The following ATP10D variants were observed in gnomAD, a reference collection of about 807,000 sequenced individuals.
The protein encoded by ATP10D is phospholipid-transporting ATPase VD.
ATP10D carries 89 observed loss-of-function variants against 144.8 expected under a neutral mutation model. That is an observed-to-expected ratio of 0.61 (90% CI 0.52 to 0.73). ATP10D has a LOEUF of 0.73. Ranked by LOEUF, ATP10D falls within the 30% of genes least tolerant of loss-of-function variation. ATP10D has a pLI of 0.00. For missense variants in ATP10D, 1,603 were observed against 1,714.8 expected, an observed-to-expected ratio of 0.93 and a Z score of 1.15; for synonymous variants, 571 against 615.1, an observed-to-expected ratio of 0.93 and a Z score of 1.06.
At chr4:47,561,995 C>G (rs1719341436) in intron 14 of ATP10D, among the ~76,000 whole-genome samples, 1 of 152,158 alleles carries the variant, frequency 6.6e-6, no homozygotes, top group Admixed American at 6.5e-5. Context: ...AGTGATTTCT[C>G]TGTGACAGTG....
At chr4:47,544,915 G>GC in intron 9 of ATP10D, among the ~76,000 whole-genome samples, 1 of 152,134 alleles carries the variant, frequency 6.6e-6, no homozygotes, top group South Asian at 2.1e-4. Flanking sequence ...TTCACATAAG[G>GC]CCCCTGCTCT....
chr4:47,522,608 C>T (rs1299624500), intron 3 of ATP10D, among the ~76,000 whole-genome samples: 2 of 152,164 alleles, frequency 1.3e-5, no homozygotes, highest in Non-Finnish European at 1.5e-5. Flanking sequence ...ACAGCTCTGT[C>T]GCCCAAGCTG....
intron 1 of ATP10D, among the ~76,000 whole-genome samples, chr4:47,506,975 C>G (rs1716049525): frequency 1.3e-5 from 2 of 152,094 alleles, no homozygotes; most frequent in Admixed American, 6.5e-5. Flanking sequence ...CTCTTAGTAA[C>G]AGTTGAGAAG....
chr4:47,531,039 G>A, intron 5 of ATP10D, among the ~76,000 whole-genome samples: 1 of 151,990 alleles, frequency 6.6e-6, no homozygotes, highest in East Asian at 1.9e-4. Context: ...CCCCTAATCT[G>A]ACTCCTCTGA....
intron 1 of ATP10D, among the ~76,000 whole-genome samples, chr4:47,498,590 T>G (rs1715519439): frequency 6.6e-6 from 1 of 152,224 alleles, no homozygotes; most frequent in Admixed American, 6.5e-5. Context: ...CAATAATACT[T>G]ATTATACATT....
chr4:47,492,689 A>T (rs1249815294), intron 1 of ATP10D, among the ~76,000 whole-genome samples: 1 of 152,182 alleles, frequency 6.6e-6, no homozygotes, highest in East Asian at 1.9e-4. Context: ...AATTATATTA[A>T]TATTAATTCA....
At chr4:47,584,667 A>G (rs901330101) in intron 21 of ATP10D, among the ~76,000 whole-genome samples, 5 of 152,198 alleles carry the variant, frequency 3.3e-5, no homozygotes, top group Admixed American at 6.5e-5. Context: ...AAGTGCTGGG[A>G]TTACAGGCGT....
Position 47,563,659 on chromosome 4 carries a change from T to C in ATP10D, c.2747T>C (p.Ile916Thr), listed in dbSNP as rs1271663804. The change falls in exon 15 of 23, where the codon ATC becomes ACC. Residue 916 changes from isoleucine to threonine, a missense_variant. Coordinates refer to ENST00000273859, the MANE Select transcript of ATP10D (RefSeq NM_020453.4). ...IEALHKAGIK[I>T]WMLTGDKQET... is the part of the protein sequence containing the mutation. ...GCTCTTCACAAAGCGGGCATCAAGA[T>C]CTGGATGCTGACAGGGGACAAGCAG... The C allele has an allele frequency of 2.5e-6, 4 of 1,614,044 alleles. No homozygotes were observed. The highest frequency in any genetic ancestry group is 3.4e-6 in the Non-Finnish European group (4 of 1,179,988).
intron 18 of ATP10D, among the ~76,000 whole-genome samples, chr4:47,575,373 C>G (rs751465850): frequency 2.0e-5 from 3 of 152,074 alleles, no homozygotes; most frequent in Non-Finnish European, 4.4e-5. Context: ...TACAGGAAAC[C>G]ATGTAGAATG....
intron 1 of ATP10D, among the ~76,000 whole-genome samples, chr4:47,501,174 A>G (rs73138073): frequency 0.021 from 3,235 of 152,290 alleles, 80 homozygotes; most frequent in African/African-American, 0.058. Context: ...AAGTAAGGAA[A>G]TAAGACCACT....
chr4:47,491,061 G>A (rs1715047819), intron 1 of ATP10D: 30 of 724,676 alleles, frequency 4.1e-5, no homozygotes, highest in South Asian at 2.0e-4. Flanking sequence ...GTGCTTCTCT[G>A]GGTGGAGCAG....
At chr4:47,577,877 G>A (rs940988057) in intron 19 of ATP10D, among the ~76,000 whole-genome samples, 1 of 152,204 alleles carries the variant, frequency 6.6e-6, no homozygotes, top group African/African-American at 2.4e-5. Context: ...AAGAACATGT[G>A]GTTGATGTCA....
intron 15 of ATP10D, 72 bp downstream of exon 15, chr4:47,563,837 G>A: frequency 7.6e-7 from 1 of 1,320,904 alleles, no homozygotes; most frequent in Non-Finnish European, 1.0e-6. Context: ...TTTGATGTAT[G>A]CAAGGATTAA....
chr4:47,501,568 C>T (rs2109390399), intron 1 of ATP10D, among the ~76,000 whole-genome samples: 1 of 152,264 alleles, frequency 6.6e-6, no homozygotes, highest in Middle Eastern at 3.4e-3. Flanking sequence ...TGCCTTCTGC[C>T]AGCTCTTATT....
rs556795310 is a variant in ATP10D at position 47,576,718 on chromosome 4, ATC to A, written c.3367-54_3367-53del. The A allele has an allele frequency of 4.4e-4, 672 of 1,526,788 alleles. No homozygotes were observed. In the African/African-American group the frequency reaches 8.2e-3, roughly 19 times the overall value. The allele number at this position is 1,526,788 out of a possible 1,614,324, so 94.6% of individuals were successfully genotyped here. A position where few individuals can be genotyped will look rare whatever the true frequency, so the allele number is the denominator to read the frequency against. The stretch of plus-strand genomic sequence containing the variant: ...AAAATGGCAGCATTTGGAATGTGTA[ATC>A]ATAGCACACATTACTGATTCTAAGA... On this transcript the variant is annotated intron_variant, in intron 18 of 22. Transcript: ENST00000273859.
chr4:47,563,644 A>T lies in ATP10D; in HGVS notation c.2732A>T (p.Lys911Ile), dbSNP rs1273466768. ...CCTGAATCTATAGAAGCTCTTCACA[A>T]AGCGGGCATCAAGATCTGGATGCTG... ...GVPESIEALH[K>I]AGIKIWMLTG... Residue 911 changes from lysine to isoleucine, a missense_variant, in exon 15 of 23, where the codon AAA (lysine) becomes ATA (isoleucine). Transcript: ENST00000273859. 2 of 1,614,008 alleles carry T rather than the reference A, an allele frequency of 1.2e-6. No homozygotes were observed. Among genetic ancestry groups the T allele is most frequent in the East Asian group, 4.5e-5 (2 of 44,854 alleles).
chr4:47,508,715 A>G (rs1278211408), intron 1 of ATP10D, among the ~76,000 whole-genome samples: 2 of 152,262 alleles, frequency 1.3e-5, no homozygotes, highest in African/African-American at 4.8e-5. Context: ...AAGAAAAACC[A>G]ATTATCAATA....
chr4:47,551,025 C>G (rs1344034177), intron 10 of ATP10D, among the ~76,000 whole-genome samples: 1 of 152,256 alleles, frequency 6.6e-6, no homozygotes, highest in Non-Finnish European at 1.5e-5. Context: ...ATATCCCTAT[C>G]CTTGTCCCTC....
chr4:47,492,389 G>C (rs1441668783), intron 1 of ATP10D, among the ~76,000 whole-genome samples: 1 of 152,164 alleles, frequency 6.6e-6, no homozygotes, highest in Non-Finnish European at 1.5e-5. Context: ...TAAATGTAGT[G>C]TGATGTGTAG....
Sources: allele counts gnomAD v4.1 joint callset (sites outside exome capture counted in the v4.1 genomes callset), GRCh38; gene constraint gnomAD v4.1.1; transcripts MANE v1.5; gene names NCBI Gene and HGNC (gene_info 2026-07-23, HGNC 2026-07-21).